ANTXR1: variants seen among roughly 807,000 people sequenced by gnomAD.
ANTXR1 encodes anthrax toxin receptor 1.
ANTXR1 carries 19 observed loss-of-function variants against 78.1 expected under a neutral mutation model. The observed-to-expected ratio is 0.24, with a 90% CI of 0.17 to 0.36. The LOEUF is 0.36. Among genes scored for constraint, ANTXR1 ranks in the 10% least tolerant of loss-of-function variants. The pLI is 1.00. For synonymous variants in ANTXR1, 273 were observed against 260.5 expected (o/e 1.05, Z -0.46); for missense variants, 518 against 718.6 (o/e 0.72, Z 3.19).
chr2:69,049,701 T>A (rs939214057), intron 3 of ANTXR1, among the ~76,000 whole-genome samples: 1 of 152,194 alleles, frequency 6.6e-6, no homozygotes, highest in African/African-American at 2.4e-5. Flanking sequence ...GATTGTAGTA[T>A]CTGTGATTAA....
intron 17 of ANTXR1, among the ~76,000 whole-genome samples, chr2:69,240,100 C>T (rs1675859685): frequency 6.6e-6 from 1 of 152,246 alleles, no homozygotes; most frequent in Non-Finnish European, 1.5e-5. Flanking sequence ...GCCCTAAACT[C>T]ATAGCTGTGT....
At chr2:69,057,202 G>A (rs1447515836) in intron 3 of ANTXR1, among the ~76,000 whole-genome samples, 1 of 151,942 alleles carries the variant, frequency 6.6e-6, no homozygotes, top group Non-Finnish European at 1.5e-5. Context: ...CTAACTTTTT[G>A]TTATTATAAA....
In ANTXR1 at chr2:69,170,275, G is replaced by A. The variant is rs372820177; in HGVS notation, c.1075G>A (p.Ala359Thr). ...TATCAAGGAGGTCCCTCCACCCCCTGCCGAGGAGAGTGAGGTAAGTGACCA... is the reference window on the plus strand; with the variant it reads ...TATCAAGGAGGTCCCTCCACCCCCTACCGAGGAGAGTGAGGTAAGTGACCA... ...VIIKEVPPPP[A>T]EESEEEDDDG... Residue 359 changes from alanine to threonine, a missense_variant, in exon 14 of 18, where the codon GCC (alanine) becomes ACC (threonine). By Grantham distance (58) the Ala-to-Thr change is moderately conservative. This residue lies in a region of ANTXR1 where 264 missense variants were observed against 391.8 expected (regional missense o/e 0.67). Transcript: ENST00000303714. 1.2e-6 allele frequency: 2 copies of A among 1,614,036 alleles called. No homozygotes were observed. Among genetic ancestry groups the A allele is most frequent in the Non-Finnish European group, 1.7e-6 (2 of 1,180,042 alleles).
intron 6 of ANTXR1, 95 bp downstream of exon 6, chr2:69,073,196 T>A: frequency 9.4e-7 from 1 of 1,061,130 alleles, no homozygotes; most frequent in Non-Finnish European, 1.5e-6. Flanking sequence ...GTGATAGGTG[T>A]TCTTTGCAAA....
chr2:69,052,726 G>A (rs182921112), intron 3 of ANTXR1, among the ~76,000 whole-genome samples: 13 of 151,960 alleles, frequency 8.6e-5, no homozygotes, highest in East Asian at 3.9e-4. Flanking sequence ...CTGTCCATTC[G>A]ATTCTTGAAT....
At chr2:69,152,488 C>T (rs1056414174) in intron 13 of ANTXR1, among the ~76,000 whole-genome samples, 1 of 152,172 alleles carries the variant, frequency 6.6e-6, no homozygotes, top group African/African-American at 2.4e-5. Context: ...GGCCGTGCCC[C>T]TTGGGTGGGG....
rs73934802 is a variant in ANTXR1, at chr2:69,206,842, A to G, written c.1434+13427A>G. ...GTAGATCCACTGCTGGTGGGCCTCA[A>G]GTTGCAAATATATTTAGTAATGGAT... is the stretch of plus-strand genomic sequence containing the variant. On this transcript the variant is annotated intron_variant, in intron 17 of 17. Transcript: ENST00000303714. 7.8e-3 allele frequency among the ~76,000 whole-genome samples: 1,186 copies of G among 152,346 alleles called. 14 individuals are homozygous for G. Among genetic ancestry groups the G allele is most frequent in the African/African-American group, 0.027 (1,140 of 41,576 alleles).
intron 17 of ANTXR1, among the ~76,000 whole-genome samples, chr2:69,226,525 G>C (rs539748565): frequency 1.1e-4 from 16 of 152,314 alleles, no homozygotes; most frequent in Non-Finnish European, 2.2e-4. Context: ...AGTAAGAAAT[G>C]CTGCAAGCCA....
intron 13 of ANTXR1, among the ~76,000 whole-genome samples, chr2:69,167,536 T>C (rs1673859898): frequency 6.6e-6 from 1 of 152,230 alleles, no homozygotes; most frequent in Non-Finnish European, 1.5e-5. Context: ...CCAACTTTAC[T>C]GCTTGGAATT....
rs561839540 is a variant in ANTXR1, at chr2:69,200,041, T to C, written c.1434+6626T>C. The stretch of plus-strand genomic sequence containing the variant: ...CCTCATATGTCTTTTCTGGATGGAA[T>C]TCAATCATCTACCAACCAGCCTGAG... On this transcript the variant is annotated intron_variant, in intron 17 of 17. Coordinates refer to ENST00000303714, the MANE Select transcript of ANTXR1 (RefSeq NM_032208.3). Among the ~76,000 whole-genome samples, 4 of 152,272 alleles carry C rather than the reference T, an allele frequency of 2.6e-5. No individual in the cohort carries two copies. In the South Asian group the frequency reaches 8.3e-4, roughly 32 times the overall value.
At chr2:69,206,919 G>A (rs771753839) in intron 17 of ANTXR1, among the ~76,000 whole-genome samples, 1 of 152,186 alleles carries the variant, frequency 6.6e-6, no homozygotes, top group Non-Finnish European at 1.5e-5. Flanking sequence ...TTTGCATCAA[G>A]TCAGAAACCC....
intron 1 of ANTXR1, among the ~76,000 whole-genome samples, chr2:69,015,272 CAAAAAAA>C (rs10536364): frequency 1.1e-5 from 1 of 91,776 alleles, no homozygotes; most frequent in Non-Finnish European, 2.6e-5. Flanking sequence ...CTTATCTTAG[CAAAAAAA>C]AAAAAAACAG....
chr2:69,198,444 C>G (rs536641252), intron 17 of ANTXR1, among the ~76,000 whole-genome samples: 25 of 152,018 alleles, frequency 1.6e-4, no homozygotes, highest in Non-Finnish European at 3.4e-4. Flanking sequence ...TTTTCTTAAC[C>G]CATCTTCATT....
chr2:69,247,129 T>C lies in ANTXR1; in HGVS notation c.*1644T>C, dbSNP rs1187217504. The C allele has an allele frequency of 6.5e-6, 1 of 152,702 alleles. No individual in the cohort carries two copies. The highest frequency in any genetic ancestry group is 2.4e-5 in the African/African-American group (1 of 41,444). 9.5% of individuals were successfully genotyped at this position (152,702 alleles called of 1,614,324 possible). On this transcript the variant is annotated 3_prime_UTR_variant, in exon 18 of 18. Transcript: ENST00000303714. ...TAATCAATCACAGCACTATTTCCTA[T>C]TAAGCCCACTGATTTCTTCACAATC...
chr2:69,096,661 G>A (rs952594776), intron 9 of ANTXR1, among the ~76,000 whole-genome samples: 2 of 152,054 alleles, frequency 1.3e-5, no homozygotes, highest in Non-Finnish European at 2.9e-5. Flanking sequence ...GATTCATACT[G>A]CATTTTTTAA....
chr2:69,178,748 G>A (rs562991454), intron 14 of ANTXR1, among the ~76,000 whole-genome samples: 6 of 152,270 alleles, frequency 3.9e-5, no homozygotes, highest in African/African-American at 1.2e-4. Context: ...AAAATATAGG[G>A]GGAGAAAAAC....
chr2:69,090,798 C>G, intron 8 of ANTXR1, 61 bp from the exon 9 acceptor site: 1 of 1,574,548 alleles, frequency 6.4e-7, no homozygotes, highest in Non-Finnish European at 8.7e-7. Flanking sequence ...AAGCAGAACC[C>G]TGATTCTGTC....
intron 4 of ANTXR1, 88 bp downstream of exon 4, chr2:69,070,816 T>C: frequency 1.6e-6 from 2 of 1,243,790 alleles, no homozygotes; most frequent in Middle Eastern, 4.1e-4. Flanking sequence ...GCACTTATAT[T>C]AAGAGGGCTG....
chr2:69,169,262 A>C (rs1673911585), intron 13 of ANTXR1, among the ~76,000 whole-genome samples: 1 of 152,250 alleles, frequency 6.6e-6, no homozygotes, highest in African/African-American at 2.4e-5. Flanking sequence ...AGAGATAGGG[A>C]ATGAGCTTTG....
Sources: allele counts gnomAD v4.1 joint callset (sites outside exome capture counted in the v4.1 genomes callset), GRCh38; gene constraint gnomAD v4.1.1; regional missense constraint gnomAD v4.1.1; transcripts MANE v1.5; gene names NCBI Gene and HGNC (gene_info 2026-07-23, HGNC 2026-07-21).